CELF1: variants seen among roughly 807,000 people sequenced by gnomAD.
The protein encoded by CELF1 is CUGBP Elav-like family member 1, also known as 50 kDa nuclear polyadenylated RNA-binding protein.
In CELF1, 10 loss-of-function variants were observed where a neutral mutation model predicts 61.8. The ratio of observed to expected loss-of-function variants is 0.16; its 90% CI spans 0.10 to 0.27. The LOEUF is 0.27. Among genes scored for constraint, CELF1 ranks in the 10% least tolerant of loss-of-function variants. The pLI, the probability that CELF1 is intolerant of heterozygous loss-of-function variation, is 1.00. For synonymous variants in CELF1, 236 were observed against 225.1 expected (o/e 1.05, Z -0.43); for missense variants, 380 against 639.1 (o/e 0.59, Z 4.37).
At chr11:47,519,668 G>T (rs572192855) in intron 1 of CELF1, among the ~76,000 whole-genome samples, 2 of 152,060 alleles carry the variant, frequency 1.3e-5, no homozygotes, top group South Asian at 4.2e-4. Flanking sequence ...TCAGGAGATC[G>T]AGACCATCCT....
chr11:47,527,631 T>C (rs2096294137), intron 1 of CELF1, among the ~76,000 whole-genome samples: 1 of 152,236 alleles, frequency 6.6e-6, no homozygotes, highest in Non-Finnish European at 1.5e-5. Flanking sequence ...CTTCATTGTA[T>C]ACACTGTATT....
chr11:47,545,850 CGTGTGTGTGTGTGTGTCTGCGTGT>C (rs1262142313), intron 1 of CELF1, among the ~76,000 whole-genome samples: 7 of 124,132 alleles, frequency 5.6e-5, no homozygotes, highest in African/African-American at 1.5e-4. Context: ...CATATGTATA[CGTGTGTGTGTGTGTGTCTGCGTGT>C]GTGTGTGTGT....
rs1161067155 is a variant in CELF1, at chr11:47,471,984, T to G, written c.*246A>C. 2.3e-6 allele frequency: 1 copy of G among 430,896 alleles called. No individual in the cohort carries two copies. The highest frequency in any genetic ancestry group is 1.9e-5 in the African/African-American group (1 of 51,320). 26.7% of individuals were successfully genotyped at this position (430,896 alleles called of 1,614,324 possible). On this transcript the variant is annotated 3_prime_UTR_variant, in exon 15 of 15. Coordinates refer to ENST00000687097, the MANE Select transcript of CELF1 (RefSeq NM_001376376.1). Reference sequence around the variant, plus strand: ...AACAAAAACAAAAACAAAAAAAACCTCAGGATATGGCACCTAAACTCCAAA... The same window carrying G: ...AACAAAAACAAAAACAAAAAAAACCGCAGGATATGGCACCTAAACTCCAAA...
chr11:47,466,560 T>G lies in CELF1; in HGVS notation c.*5670A>C, dbSNP rs1386653855. The G allele has an allele frequency of 7.3e-6, 1 of 137,186 alleles. No homozygotes were observed. The highest frequency in any genetic ancestry group is 2.4e-5 in the African/African-American group (1 of 40,818). 8.5% of individuals were successfully genotyped at this position (137,186 alleles called of 1,614,324 possible). ...CAGGTTTGTCTCCAAAATGTAAAGT[T>G]TCTTTTTTTTTTTCTTTTTAAATTA... is the stretch of plus-strand genomic sequence containing the variant. On this transcript the variant is annotated 3_prime_UTR_variant, in exon 15 of 15. Transcript: ENST00000687097.
intron 3 of CELF1, among the ~76,000 whole-genome samples, chr11:47,491,501 A>T (rs1267010016): frequency 6.6e-6 from 1 of 152,170 alleles, no homozygotes; most frequent in Non-Finnish European, 1.5e-5. Flanking sequence ...TTATTCTCAC[A>T]TCACCTTTGA....
intron 1 of CELF1, among the ~76,000 whole-genome samples, chr11:47,533,687 G>A (rs768404144): frequency 6.5e-4 from 98 of 150,602 alleles, no homozygotes; most frequent in Non-Finnish European, 1.2e-3. Flanking sequence ...GCGGGCACTT[G>A]CAATCCCAGC....
intron 1 of CELF1, among the ~76,000 whole-genome samples, chr11:47,512,610 G>C (rs1342146138): frequency 6.6e-6 from 1 of 152,032 alleles, no homozygotes; most frequent in Admixed American, 6.6e-5. Flanking sequence ...GAAATGTTGG[G>C]ATTACAGATG....
intron 12 of CELF1, among the ~76,000 whole-genome samples, 177 bp downstream of exon 12, chr11:47,476,669 G>A (rs981676652): frequency 1.3e-5 from 2 of 152,004 alleles, no homozygotes; most frequent in Non-Finnish European, 2.9e-5. Context: ...CTCGTGATTC[G>A]CCCACCTTGA....
intron 1 of CELF1, among the ~76,000 whole-genome samples, chr11:47,522,648 T>C (rs1162909755): frequency 2.6e-5 from 4 of 151,900 alleles, no homozygotes; most frequent in African/African-American, 9.7e-5. Flanking sequence ...GCCAACGTGG[T>C]GAAACCCCAT....
At chr11:47,494,696 C>G (rs897382679) in intron 3 of CELF1, among the ~76,000 whole-genome samples, 2 of 152,186 alleles carry the variant, frequency 1.3e-5, no homozygotes, top group African/African-American at 4.8e-5. Context: ...CAATGGCAAG[C>G]TGATCCATTG....
At chr11:47,483,358 C>T in intron 8 of CELF1, 95 bp downstream of exon 8, 1 of 905,826 alleles carries the variant, frequency 1.1e-6, no homozygotes, top group Admixed American at 1.8e-5. Flanking sequence ...ACCTTCTGGG[C>T]AATCAGATGC....
intron 1 of CELF1, among the ~76,000 whole-genome samples, chr11:47,531,404 C>A (rs1489057189): frequency 3.3e-5 from 5 of 152,122 alleles, no homozygotes; most frequent in African/African-American, 1.2e-4. Flanking sequence ...CCCATCTCTA[C>A]TAAAAATACA....
intron 1 of CELF1, among the ~76,000 whole-genome samples, chr11:47,508,928 C>T (rs1005788323): frequency 1.3e-5 from 2 of 152,034 alleles, no homozygotes; most frequent in Non-Finnish European, 2.9e-5. Context: ...CGCCACCATG[C>T]CCAGCTAATT....
At chr11:47,564,179 A>G (rs1290873313) in intron 2 of CELF1, among the ~76,000 whole-genome samples, 1 of 148,236 alleles carries the variant, frequency 6.7e-6, no homozygotes, top group African/African-American at 2.5e-5. Flanking sequence ...TACAAAAAAA[A>G]AAAAAAAAAA....
intron 1 of CELF1, among the ~76,000 whole-genome samples, chr11:47,509,563 C>T (rs1016704768): frequency 1.3e-5 from 2 of 151,982 alleles, no homozygotes; most frequent in Non-Finnish European, 2.9e-5. Context: ...CCCCACCCCA[C>T]TCCAAAATAA....
chr11:47,541,737 AG>A (rs2096794381), intron 1 of CELF1, among the ~76,000 whole-genome samples: 1 of 15,938 alleles, frequency 6.3e-5, no homozygotes, highest in African/African-American at 1.8e-4. Flanking sequence ...AACGAAAGAA[AG>A]AACGAAAGAA....
At chr11:47,475,687 C>T (rs1025057609) in intron 12 of CELF1, among the ~76,000 whole-genome samples, 166 bp from the exon 13 acceptor site, 3 of 152,214 alleles carry the variant, frequency 2.0e-5, no homozygotes. Flanking sequence ...GATTTCAGGA[C>T]ATTCACCAGG....
chr11:47,494,644 C>T (rs1268400277), intron 3 of CELF1: 2 of 225,138 alleles, frequency 8.9e-6, no homozygotes, highest in Non-Finnish European at 1.5e-5. Flanking sequence ...TTTTTCCCAT[C>T]CTCTGGCCCC....
intron 1 of CELF1, among the ~76,000 whole-genome samples, chr11:47,511,914 T>A (rs2153606537): frequency 6.6e-6 from 1 of 152,290 alleles, no homozygotes; most frequent in African/African-American, 2.4e-5. Flanking sequence ...AGTGGCATGA[T>A]CTCGACTCAC....
Sources: allele counts gnomAD v4.1 joint callset (sites outside exome capture counted in the v4.1 genomes callset), GRCh38; gene constraint gnomAD v4.1.1; transcripts MANE v1.5; gene names NCBI Gene and HGNC (gene_info 2026-07-23, HGNC 2026-07-21).